ESRP1: variants seen among roughly 807,000 people sequenced by gnomAD.
ESRP1 encodes RNA-binding motif protein 35A.
Under a neutral mutation model 81.7 loss-of-function variants are expected in ESRP1, and 33 were observed. That is an observed-to-expected ratio of 0.40 (90% CI 0.31 to 0.54). The LOEUF (loss-of-function observed/expected upper bound fraction) is 0.54, where lower values mean the gene tolerates loss of function less well. ESRP1 is among the 20% of genes least tolerant of loss of function. ESRP1 has a pLI of 0.41. For missense variants in ESRP1, 672 were observed against 833.1 expected, an observed-to-expected ratio of 0.81 and a Z score of 2.38; for synonymous variants, 320 against 303.3, an observed-to-expected ratio of 1.06 and a Z score of -0.57.
At chr8:94,685,393 C>G (rs1809096692) in intron 13 of ESRP1, among the ~76,000 whole-genome samples, 1 of 152,104 alleles carries the variant, frequency 6.6e-6, no homozygotes, top group Non-Finnish European at 1.5e-5. Flanking sequence ...ATAACAGAAT[C>G]TTGGCCAATT....
At chr8:94,660,608 C>T (rs760033661) in intron 4 of ESRP1, among the ~76,000 whole-genome samples, 15 of 145,384 alleles carry the variant, frequency 1.0e-4, no homozygotes, top group South Asian at 2.2e-4. Context: ...TATGGTGGCG[C>T]GTGCCTGTAA....
intron 4 of ESRP1, among the ~76,000 whole-genome samples, chr8:94,656,772 C>T (rs995218913): frequency 6.6e-6 from 1 of 152,128 alleles, no homozygotes; most frequent in Non-Finnish European, 1.5e-5. Context: ...AAATGGCTTT[C>T]AGATGACACT....
chr8:94,654,887 C>T (rs541826735), intron 4 of ESRP1, among the ~76,000 whole-genome samples: 4 of 149,536 alleles, frequency 2.7e-5, no homozygotes, highest in African/African-American at 4.9e-5. Context: ...GCTGTAATCA[C>T]GCCACTGCAT....
At chr8:94,685,022 TAA>T (rs34287340) in intron 13 of ESRP1, among the ~76,000 whole-genome samples, 81 of 143,826 alleles carry the variant, frequency 5.6e-4, no homozygotes, top group East Asian at 1.0e-3. Flanking sequence ...AGCCTGTCTT[TAA>T]AAAAAAAAAA....
intron 12 of ESRP1, among the ~76,000 whole-genome samples, chr8:94,675,177 GT>G (rs35902167): frequency 0.46 from 70,683 of 152,110 alleles, 19,492 homozygotes; most frequent in South Asian, 0.68. Context: ...AGTCTACGAA[GT>G]TCTAGTTAGT....
intron 6 of ESRP1, among the ~76,000 whole-genome samples, chr8:94,663,757 T>A (rs1276023247): frequency 1.3e-5 from 2 of 152,110 alleles, no homozygotes; most frequent in Non-Finnish European, 2.9e-5. Flanking sequence ...ATTAAGAAAA[T>A]GTCCTAGGAG....
At chr8:94,684,104 C>G (rs907973910) in intron 13 of ESRP1, among the ~76,000 whole-genome samples, 1 of 152,016 alleles carries the variant, frequency 6.6e-6, no homozygotes, top group Non-Finnish European at 1.5e-5. Context: ...GCCTCGGCCT[C>G]CCTAAGTGCT....
chr8:94,690,485 T>C (rs369639388), intron 13 of ESRP1, among the ~76,000 whole-genome samples: 6 of 152,092 alleles, frequency 3.9e-5, no homozygotes, highest in East Asian at 3.9e-4. Flanking sequence ...CAGGTAGATA[T>C]ATGACTTTTT....
chr8:94,690,272 G>A (rs1409806235), intron 13 of ESRP1, among the ~76,000 whole-genome samples: 1 of 120,054 alleles, frequency 8.3e-6, no homozygotes, highest in Admixed American at 9.2e-5. Context: ...ACAATGCCTG[G>A]CTAATTTTTT....
rs750612777 is a variant in ESRP1, at chr8:94,664,968, A to G, written c.797A>G (p.Asn266Ser). 27 of 1,613,670 alleles carry G rather than the reference A, an allele frequency of 1.7e-5. No individual in the cohort carries two copies. The highest frequency in any genetic ancestry group is 3.3e-5 in the Admixed American group (2 of 59,950). Residue 266 changes from asparagine (N) to serine (S), a missense_variant, in exon 8 of 16, where the codon AAC becomes AGC. Coordinates refer to ENST00000433389, the MANE Select transcript of ESRP1 (RefSeq NM_017697.4). ...ALCLNAQGRR[N>S]GEALVRFVSE... The stretch of plus-strand genomic sequence containing the variant: ...TGTCTGAATGCTCAGGGTCGAAGGA[A>G]CGGAGAAGCTCTGGTTAGGTTTGTA...
chr8:94,691,921 A>G (rs1241228058), intron 13 of ESRP1, among the ~76,000 whole-genome samples: 8 of 152,200 alleles, frequency 5.3e-5, no homozygotes, highest in Non-Finnish European at 7.3e-5. Flanking sequence ...CAATTGAGGT[A>G]GAAAACAGAG....
chr8:94,648,190 G>A (rs1026161376), intron 4 of ESRP1, among the ~76,000 whole-genome samples: 57 of 152,156 alleles, frequency 3.7e-4, no homozygotes, highest in African/African-American at 1.4e-3. Flanking sequence ...CCAGGAAGTC[G>A]AGGCTGCAGT....
At chr8:94,695,079 G>C (rs945642217) in intron 14 of ESRP1, among the ~76,000 whole-genome samples, 2 of 152,042 alleles carry the variant, frequency 1.3e-5, no homozygotes, top group African/African-American at 4.8e-5. Flanking sequence ...ATGCCTTCTT[G>C]TTTCGTGTTC....
intron 13 of ESRP1, among the ~76,000 whole-genome samples, chr8:94,692,220 A>G (rs1045867964): frequency 6.6e-6 from 1 of 152,062 alleles, no homozygotes; most frequent in African/African-American, 2.4e-5. Flanking sequence ...ATGCTCCTAT[A>G]TATAGGTAGA....
At chr8:94,667,889 T>A in intron 9 of ESRP1, 60 bp from the exon 10 acceptor site, 10 of 1,411,508 alleles carry the variant, frequency 7.1e-6, no homozygotes, top group Non-Finnish European at 9.6e-6. Context: ...CACTTTAAAA[T>A]CGGTAAAGTT....
chr8:94,698,609 T>A (rs1253459316), intron 15 of ESRP1, among the ~76,000 whole-genome samples: 3 of 152,204 alleles, frequency 2.0e-5, no homozygotes, highest in Non-Finnish European at 2.9e-5. Flanking sequence ...CTTTGAGGCT[T>A]CTTGGGAGAT....
intron 6 of ESRP1, 121 bp from the exon 7 acceptor site, chr8:94,664,576 C>A: frequency 1.4e-6 from 1 of 696,596 alleles, no homozygotes. Flanking sequence ...AGTAGTATTG[C>A]TAGTCTGTCT....
rs1445659950 is a variant in ESRP1 at position 94,692,690 on chromosome 8, C to T, written c.1834C>T (p.Pro612Ser). The T allele has an allele frequency of 2.5e-6, 4 of 1,613,718 alleles. No individual in the cohort carries two copies. The highest frequency in any genetic ancestry group is 3.4e-6 in the Non-Finnish European group (4 of 1,179,816). The change falls in exon 14 of 16, where the codon CCT (proline) becomes TCT (serine). Residue 612 changes from proline (P) to serine (S), a missense_variant. By Grantham distance (74) the Pro-to-Ser change is moderately conservative. Transcript: ENST00000433389. The part of the protein sequence containing the change: ...TAYYPSPPGS[P>S]NSLGYFPTAA... Reference sequence around the variant, plus strand: ...CTCTCCCTTTAGCCCCCCAGGTTCGCCTAATAGTCTTGGCTACTTCCCTAC... The same window carrying T: ...CTCTCCCTTTAGCCCCCCAGGTTCGTCTAATAGTCTTGGCTACTTCCCTAC...
At position 94,643,321 on chromosome 8, in the gene ESRP1, A is replaced by G; in HGVS notation, c.280A>G (p.Asn94Asp). Residue 94 changes from asparagine (N) to aspartate (D), a missense_variant, in exon 3 of 16, where the codon AAT (asparagine) becomes GAT (aspartate). Coordinates refer to ENST00000433389, the MANE Select transcript of ESRP1 (RefSeq NM_017697.4). Reference protein sequence around the residue: ...ALRQFNQSVSNELNIGVGTSF... With the variant: ...ALRQFNQSVSDELNIGVGTSF... ...CTTGCAGTTTAACCAGTCAGTGAGC[A>G]ATGAACTGAATATTGGAGTAGGGAC... The G allele has an allele frequency of 1.9e-6, 3 of 1,611,496 alleles. No individual in the cohort carries two copies. The highest frequency in any genetic ancestry group is 2.2e-5 in the South Asian group (2 of 91,022).
Sources: gnomAD v4.1 joint callset for allele counts (sites outside exome capture counted in the v4.1 genomes callset) on GRCh38, gnomAD v4.1.1 for gene constraint, MANE v1.5 for transcripts, NCBI Gene and HGNC (gene_info 2026-07-23, HGNC 2026-07-21) for gene names.